KIRREL3: variants seen among roughly 807,000 people sequenced by gnomAD.
KIRREL3 encodes the protein kin of IRRE-like protein 3.
A neutral mutation model predicts 89.7 loss-of-function variants in KIRREL3; 36 were observed. The observed-to-expected ratio is 0.40, with a 90% CI of 0.31 to 0.53. KIRREL3 has a LOEUF of 0.53. KIRREL3 is among the 20% of genes least tolerant of loss of function. The probability of loss-of-function intolerance (pLI) is 0.49; values close to 1 mark genes in which losing one functional copy is unlikely to be tolerated. For missense variants in KIRREL3, 864 were observed against 1,056.6 expected, an observed-to-expected ratio of 0.82 and a Z score of 2.53; for synonymous variants, 445 against 441.4, an observed-to-expected ratio of 1.01 and a Z score of -0.10.
rs1476989631 is a variant in KIRREL3 at position 126,528,414 on chromosome 11, G to A, written c.134-1727C>T. ...GGAGCTTGGATGGCAGCAGAGCTTG[G>A]GGTGGAGGCTCCCCAGAAGGAGGGG... On this transcript the variant is annotated intron_variant, in intron 2 of 16. Coordinates refer to ENST00000525144, the MANE Select transcript of KIRREL3 (RefSeq NM_032531.4). This position sits in a 1 kb window ranked among gnomAD's most constrained non-coding sequence, Gnocchi z 4.6. Among the ~76,000 whole-genome samples, 1 of 152,198 alleles carries A rather than the reference G, an allele frequency of 6.6e-6. No homozygotes were observed. Among genetic ancestry groups the A allele is most frequent in the Non-Finnish European group, 1.5e-5 (1 of 68,024 alleles).
chr11:126,646,662 A>G (rs988608240), intron 1 of KIRREL3, among the ~76,000 whole-genome samples: 1 of 151,894 alleles, frequency 6.6e-6, no homozygotes, highest in African/African-American at 2.4e-5. Flanking sequence ...TTTAGTAGAG[A>G]CGGGGTTTCA....
chr11:126,631,786 A>G (rs960159803), intron 1 of KIRREL3, among the ~76,000 whole-genome samples: 4 of 152,224 alleles, frequency 2.6e-5, no homozygotes, highest in African/African-American at 7.2e-5. Flanking sequence ...AGAAATTATT[A>G]TCCTTATTTT....
At position 126,892,865 on chromosome 11, in the gene KIRREL3, T is replaced by C. The variant is rs1592295297; in HGVS notation, c.55+107590A>G. Among the ~76,000 whole-genome samples, 4 of 152,240 alleles carry C rather than the reference T, an allele frequency of 2.6e-5. No homozygotes were observed. Among genetic ancestry groups the C allele is most frequent in the Middle Eastern group, 6.8e-3 (2 of 294 alleles). On this transcript the variant is annotated intron_variant, in intron 1 of 16. Transcript: ENST00000525144. This position sits in a 1 kb window ranked among gnomAD's most constrained non-coding sequence, Gnocchi z 5.4. ...AAAAGAGAGGCTCGGGTAGAGCTTA[T>C]CTAGTGGATGAACCTGCTCCTAGAC...
At chr11:126,840,454 G>A (rs1307718287) in intron 1 of KIRREL3, among the ~76,000 whole-genome samples, 1 of 152,160 alleles carries the variant, frequency 6.6e-6, no homozygotes, top group Admixed American at 6.5e-5. Flanking sequence ...TGGGGATGGA[G>A]TTAGAAAATA....
chr11:126,913,471 C>T (rs952974706), intron 1 of KIRREL3, among the ~76,000 whole-genome samples: 7 of 152,144 alleles, frequency 4.6e-5, no homozygotes, highest in African/African-American at 1.4e-4. Context: ...ACAGTTTCTC[C>T]GACTGACTGT....
chr11:126,908,917 A>T lies in KIRREL3; in HGVS notation c.55+91538T>A, dbSNP rs940574004. On this transcript the variant is annotated intron_variant, in intron 1 of 16. Transcript: ENST00000525144. This position sits in a 1 kb window ranked among gnomAD's most constrained non-coding sequence, Gnocchi z 4.2. ...TGTAGTATTTGCATATAACCTAAGC[A>T]CATACACTTTAAATATCTAATTACT... Among the ~76,000 whole-genome samples the T allele has an allele frequency of 6.6e-6, 1 of 152,208 alleles. No individual in the cohort carries two copies. Among genetic ancestry groups the T allele is most frequent in the Admixed American group, 6.5e-5 (1 of 15,288 alleles).
rs566010592 is a variant in KIRREL3 at position 126,867,122 on chromosome 11, T to C, written c.55+133333A>G. ...GGAGCTGTAAACACTCAACCCTACA[T>C]GCTGCCTTGGGGTTGGAGCCCAAAA... is the stretch of plus-strand genomic sequence containing the variant. On this transcript the variant is annotated intron_variant, in intron 1 of 16. Transcript: ENST00000525144. The surrounding 1 kb of genome is among the most constrained non-coding windows in gnomAD (Gnocchi z 4.7). Among the ~76,000 whole-genome samples, 7 of 152,210 alleles carry C rather than the reference T, an allele frequency of 4.6e-5. No homozygotes were observed. Among genetic ancestry groups the C allele is most frequent in the Non-Finnish European group, 1.0e-4 (7 of 68,042 alleles).
In KIRREL3 at chr11:126,996,059, C is replaced by T. The variant is rs1191683796; in HGVS notation, c.55+4396G>A. On this transcript the variant is annotated intron_variant, in intron 1 of 16. Coordinates refer to ENST00000525144, the MANE Select transcript of KIRREL3 (RefSeq NM_032531.4). The surrounding 1 kb of genome is among the most constrained non-coding windows in gnomAD (Gnocchi z 4.7). ...GTCCTCCCCCTAGGGACTTTCTTTT[C>T]CATCCTCAATAGGTCTGGCTGGCAA... Among the ~76,000 whole-genome samples, 4 of 152,180 alleles carry T rather than the reference C, an allele frequency of 2.6e-5. No homozygotes were observed. Among genetic ancestry groups the T allele is most frequent in the African/African-American group, 7.2e-5 (3 of 41,450 alleles).
chr11:126,425,619 A>G lies in KIRREL3; in HGVS notation c.1893+19T>C, dbSNP rs1196848573. ...ACCAGATTCCATGGCTGTGTCTTAT[A>G]ACCCGGGGCCCTTCTTACCTTCAGG... is the stretch of plus-strand genomic sequence containing the variant. On this transcript the variant is annotated intron_variant, in intron 16 of 16. Coordinates refer to ENST00000525144, the MANE Select transcript of KIRREL3 (RefSeq NM_032531.4). 1 of 1,558,646 alleles carries G rather than the reference A, an allele frequency of 6.4e-7. No individual in the cohort carries two copies.
intron 1 of KIRREL3, among the ~76,000 whole-genome samples, chr11:126,770,249 T>C (rs1374731891): frequency 1.3e-5 from 2 of 152,198 alleles, no homozygotes; most frequent in Non-Finnish European, 2.9e-5. Context: ...ATCCTTTCTC[T>C]TGTCTTGCCT....
In KIRREL3 at chr11:126,764,549, A is replaced by G. The variant is rs1216834529; in HGVS notation, c.56-201637T>C. On this transcript the variant is annotated intron_variant, in intron 1 of 16. Transcript: ENST00000525144. The surrounding 1 kb of genome is among the most constrained non-coding windows in gnomAD (Gnocchi z 4.2). ...TTGCTGCACCCGCCGCTGCCTCATG[A>G]GGTTCCTGGCAGCTCTTACTGCGCC... Among the ~76,000 whole-genome samples, 1 of 152,210 alleles carries G rather than the reference A, an allele frequency of 6.6e-6. No homozygotes were observed. The highest frequency in any genetic ancestry group is 1.5e-5 in the Non-Finnish European group (1 of 68,046).
chr11:126,884,255 C>A (rs986546432), intron 1 of KIRREL3, among the ~76,000 whole-genome samples: 4 of 152,122 alleles, frequency 2.6e-5, no homozygotes, highest in African/African-American at 9.7e-5. Flanking sequence ...TTAAACAATC[C>A]CTCCAGATGA....
chr11:126,981,685 T>C lies in KIRREL3; in HGVS notation c.55+18770A>G, dbSNP rs543092566. On this transcript the variant is annotated intron_variant, in intron 1 of 16. Coordinates refer to ENST00000525144, the MANE Select transcript of KIRREL3 (RefSeq NM_032531.4). The surrounding 1 kb of genome is among the most constrained non-coding windows in gnomAD (Gnocchi z 4.2). Reference sequence around the variant, plus strand: ...GCCACACATGCTCAGGGGGCTTTTATCAATGCACCCCCATCCTTGGAGTAG... The same window carrying C: ...GCCACACATGCTCAGGGGGCTTTTACCAATGCACCCCCATCCTTGGAGTAG... 1.3e-5 allele frequency among the ~76,000 whole-genome samples: 2 copies of C among 152,310 alleles called. No homozygotes were observed. Among genetic ancestry groups the C allele is most frequent in the South Asian group, 4.1e-4 (2 of 4,826 alleles).
chr11:126,861,810 C>T (rs746133800), intron 1 of KIRREL3, among the ~76,000 whole-genome samples: 24 of 152,282 alleles, frequency 1.6e-4, no homozygotes, highest in Admixed American at 2.6e-4. Context: ...GACTGCTTCT[C>T]GAGGGATAGT....
chr11:126,619,820 C>G (rs1943505184), intron 1 of KIRREL3, among the ~76,000 whole-genome samples: 1 of 152,174 alleles, frequency 6.6e-6, no homozygotes, highest in Non-Finnish European at 1.5e-5. Context: ...TTTTCGGATC[C>G]TGAAATCCAG....
In KIRREL3 at chr11:126,872,367, A is replaced by G. The variant is rs540194680; in HGVS notation, c.55+128088T>C. On this transcript the variant is annotated intron_variant, in intron 1 of 16. Coordinates refer to ENST00000525144, the MANE Select transcript of KIRREL3 (RefSeq NM_032531.4). The surrounding 1 kb of genome is among the most constrained non-coding windows in gnomAD (Gnocchi z 4.2). ...GTATAAACACAGTTGTCAGCAGCCC[A>G]TATGCTGCTATTCTGGGCATGGGCA... is the stretch of plus-strand genomic sequence containing the variant. 1.3e-5 allele frequency among the ~76,000 whole-genome samples: 2 copies of G among 152,246 alleles called. No homozygotes were observed. Among genetic ancestry groups the G allele is most frequent in the Non-Finnish European group, 2.9e-5 (2 of 68,040 alleles).
At chr11:126,753,836 T>C (rs1949411516) in intron 1 of KIRREL3, among the ~76,000 whole-genome samples, 1 of 152,198 alleles carries the variant, frequency 6.6e-6, no homozygotes, top group Non-Finnish European at 1.5e-5. Flanking sequence ...TGCATCTTCA[T>C]TACATGCTTA....
In KIRREL3 at chr11:126,519,980, C is replaced by T. The variant is rs759921711; in HGVS notation, c.433+1335G>A. Among the ~76,000 whole-genome samples, 65 of 152,090 alleles carry T rather than the reference C, an allele frequency of 4.3e-4. No individual in the cohort carries two copies. Among genetic ancestry groups the T allele is most frequent in the East Asian group, 9.6e-4 (5 of 5,182 alleles). On this transcript the variant is annotated intron_variant, in intron 4 of 16. Transcript: ENST00000525144. This position sits in a 1 kb window ranked among gnomAD's most constrained non-coding sequence, Gnocchi z 4.3. ...AGGTTTATTTTCTCATTCCTTTCAT[C>T]GCAGGCCTGGGGAGACTCAAAGGTT...
rs1939490138 is a variant in KIRREL3, at chr11:126,553,992, A to T, written c.133+8843T>A. Among the ~76,000 whole-genome samples, 1 of 152,204 alleles carries T rather than the reference A, an allele frequency of 6.6e-6. No individual in the cohort carries two copies. The highest frequency in any genetic ancestry group is 6.5e-5 in the Admixed American group (1 of 15,280). On this transcript the variant is annotated intron_variant, in intron 2 of 16. Transcript: ENST00000525144. The surrounding 1 kb of genome is among the most constrained non-coding windows in gnomAD (Gnocchi z 4.7). ...CTGTCAACCAAACAGCTCCTGAGTC[A>T]ATCAAGAGCTGTTCATAATGCACTG...
Sources: gnomAD v4.1 joint callset for allele counts (sites outside exome capture counted in the v4.1 genomes callset) on GRCh38, gnomAD v4.1.1 for gene constraint, Gnocchi (gnomAD v3.1) non-coding constraint, MANE v1.5 for transcripts, NCBI Gene and HGNC (gene_info 2026-07-23, HGNC 2026-07-21) for gene names.